TRHDE: variants seen among roughly 807,000 people sequenced by gnomAD.
TRHDE encodes the protein thyrotropin releasing hormone degrading enzyme.
TRHDE carries 72 observed loss-of-function variants against 125.7 expected under a neutral mutation model. The observed-to-expected ratio is 0.57, with a 90% CI of 0.47 to 0.70. TRHDE has a LOEUF of 0.70. Ranked by LOEUF, TRHDE falls within the 30% of genes least tolerant of loss-of-function variation. The probability of loss-of-function intolerance (pLI) is 0.00; values close to 1 mark genes in which losing one functional copy is unlikely to be tolerated. For missense variants in TRHDE, 1,110 were observed against 1,327.1 expected (o/e 0.84, Z 2.54); for synonymous variants, 509 against 509.1 (o/e 1.00, Z 0.00).
intron 15 of TRHDE, among the ~76,000 whole-genome samples, chr12:72,622,196 AG>A (rs946615072): frequency 1.3e-5 from 2 of 152,132 alleles, no homozygotes; most frequent in Non-Finnish European, 2.9e-5. Flanking sequence ...TATGAAAAAA[AG>A]ATCTTTCCTT....
chr12:72,393,892 G>GT (rs1165018875), intron 3 of TRHDE, among the ~76,000 whole-genome samples: 1 of 152,040 alleles, frequency 6.6e-6, no homozygotes, highest in African/African-American at 2.4e-5. Flanking sequence ...CAAAAATATA[G>GT]TGGACTCATG....
intron 2 of TRHDE, among the ~76,000 whole-genome samples, chr12:72,252,256 A>C (rs1365381589): frequency 6.6e-6 from 1 of 152,034 alleles, no homozygotes; most frequent in Non-Finnish European, 1.5e-5. Flanking sequence ...GAAATGTTTT[A>C]TATTTTACAT....
At chr12:72,555,871 T>A (rs1421365283) in intron 7 of TRHDE, among the ~76,000 whole-genome samples, 1 of 152,226 alleles carries the variant, frequency 6.6e-6, no homozygotes, top group Non-Finnish European at 1.5e-5. Flanking sequence ...ATGCACATAC[T>A]TACAAATGTA....
chr12:72,347,247 A>C (rs1207248074), intron 2 of TRHDE, among the ~76,000 whole-genome samples: 1 of 152,118 alleles, frequency 6.6e-6, no homozygotes, highest in Non-Finnish European at 1.5e-5. Flanking sequence ...GCAAGAAGAC[A>C]AGTCTAAATG....
At chr12:72,598,233 T>G (rs1872061581) in intron 12 of TRHDE, among the ~76,000 whole-genome samples, 1 of 152,188 alleles carries the variant, frequency 6.6e-6, no homozygotes, top group South Asian at 2.1e-4. Context: ...TCACCTTTAT[T>G]CATATTTGAT....
At chr12:72,474,108 T>C (rs576270609) in intron 5 of TRHDE, among the ~76,000 whole-genome samples, 98 of 152,174 alleles carry the variant, frequency 6.4e-4, no homozygotes, top group African/African-American at 2.3e-3. Context: ...AGCACTTTAT[T>C]GAGGCAAGAT....
At chr12:72,624,993 G>C (rs1327457210) in intron 15 of TRHDE, among the ~76,000 whole-genome samples, 1 of 151,330 alleles carries the variant, frequency 6.6e-6, no homozygotes, top group African/African-American at 2.4e-5. Context: ...GCATTATAAA[G>C]AGAATAGAAA....
At chr12:72,377,906 T>A in intron 2 of TRHDE, 89 bp from the exon 3 acceptor site, 2 of 930,386 alleles carry the variant, frequency 2.1e-6, no homozygotes, top group Non-Finnish European at 3.1e-6. Context: ...TGTAGTATTC[T>A]AAGTGATTTG....
intron 2 of TRHDE, among the ~76,000 whole-genome samples, chr12:72,158,460 G>T (rs1876566923): frequency 1.3e-5 from 2 of 151,576 alleles, no homozygotes; most frequent in Admixed American, 6.6e-5. Context: ...TTGCCTCTTT[G>T]TGTCTTTCAG....
At chr12:72,455,930 A>G (rs150007767) in intron 3 of TRHDE, among the ~76,000 whole-genome samples, 174 of 152,140 alleles carry the variant, frequency 1.1e-3, no homozygotes, top group African/African-American at 4.0e-3. Context: ...TCATATACTC[A>G]TAGAATTCAA....
At chr12:72,350,760 A>G (rs1249941680) in intron 2 of TRHDE, among the ~76,000 whole-genome samples, 1 of 152,046 alleles carries the variant, frequency 6.6e-6, no homozygotes, top group East Asian at 1.9e-4. Context: ...ATGTGAATGG[A>G]TATTAACAAA....
chr12:72,114,186 G>GGGAGACAACCCA (rs1875388744), intron 2 of TRHDE, among the ~76,000 whole-genome samples: 1 of 151,148 alleles, frequency 6.6e-6, no homozygotes. Flanking sequence ...AAGCATGCTG[G>GGGAGACAACCCA]GTCTTTCAAA....
intron 7 of TRHDE, among the ~76,000 whole-genome samples, chr12:72,551,796 C>CTAGG (rs982920096): frequency 2.0e-5 from 3 of 151,818 alleles, no homozygotes; most frequent in African/African-American, 7.3e-5. Flanking sequence ...GAAAAAAATG[C>CTAGG]TAGGAAGCAA....
Position 72,563,001 on chromosome 12 carries a change from T to C in TRHDE, c.2003T>C (p.Ile668Thr). 1.2e-6 allele frequency: 2 copies of C among 1,607,854 alleles called. No individual in the cohort carries two copies. The highest frequency in any genetic ancestry group is 8.5e-7 in the Non-Finnish European group (1 of 1,177,452). Residue 668 changes from isoleucine to threonine, a missense_variant, in exon 9 of 19, where the codon ATC (isoleucine) becomes ACC (threonine). Coordinates refer to ENST00000261180, the MANE Select transcript of TRHDE (RefSeq NM_013381.3). ...ACCCAACAGCATTTTATCTATGATATCAGTGCTAAAACTAAAGCACTTAAA... is the reference window on the plus strand; with the variant it reads ...ACCCAACAGCATTTTATCTATGATACCAGTGCTAAAACTAAAGCACTTAAA... ...IITQQHFIYD[I>T]SAKTKALKLQ...
intron 5 of TRHDE, among the ~76,000 whole-genome samples, chr12:72,482,253 ATT>A (rs34400798): frequency 2.0e-5 from 3 of 150,978 alleles, no homozygotes; most frequent in East Asian, 2.0e-4. Flanking sequence ...AATTTAGGAA[ATT>A]TTTTTTTATT....
chr12:72,196,661 C>A (rs967170695), intron 2 of TRHDE, among the ~76,000 whole-genome samples: 15 of 152,036 alleles, frequency 9.9e-5, no homozygotes, highest in African/African-American at 3.6e-4. Flanking sequence ...CCATTTTAAC[C>A]ACTTTTCCTT....
At chr12:72,458,356 C>T (rs1281661284) in intron 3 of TRHDE, among the ~76,000 whole-genome samples, 2 of 152,106 alleles carry the variant, frequency 1.3e-5, no homozygotes, top group South Asian at 2.1e-4. Flanking sequence ...TTAAATGATG[C>T]GATGTCACAC....
chr12:72,463,725 A>T (rs1876234260), intron 3 of TRHDE, among the ~76,000 whole-genome samples: 1 of 152,180 alleles, frequency 6.6e-6, no homozygotes, highest in Admixed American at 6.5e-5. Flanking sequence ...GTGAGATAAG[A>T]ATCTGACTGT....
intron 1 of TRHDE, among the ~76,000 whole-genome samples, chr12:72,283,453 A>C (rs1218543293): frequency 6.6e-6 from 1 of 152,130 alleles, no homozygotes; most frequent in Non-Finnish European, 1.5e-5. Flanking sequence ...CAGACTGTGA[A>C]ATTGGTATTT....
Sources: gnomAD v4.1 joint callset for allele counts (sites outside exome capture counted in the v4.1 genomes callset) on GRCh38, gnomAD v4.1.1 for gene constraint, MANE v1.5 for transcripts, NCBI Gene and HGNC (gene_info 2026-07-23, HGNC 2026-07-21) for gene names.